ACTL6B: variants seen among roughly 807,000 people sequenced by gnomAD.
ACTL6B encodes actin like 6B.
ACTL6B carries 48 observed loss-of-function variants against 63.3 expected under a neutral mutation model. That is an observed-to-expected ratio of 0.76 (90% confidence interval 0.60 to 0.96). ACTL6B has a LOEUF of 0.96. Among genes scored for constraint, ACTL6B ranks in the 50% least tolerant of loss-of-function variants. ACTL6B has a pLI of 0.00. For synonymous variants in ACTL6B, 230 were observed against 223.8 expected, an observed-to-expected ratio of 1.03 and a Z score of -0.25; for missense variants, 350 against 572.2, an observed-to-expected ratio of 0.61 and a Z score of 3.96.
In ACTL6B at chr7:100,646,913, C is replaced by T; in HGVS notation, c.936+58G>A. The T allele has an allele frequency of 6.2e-7, 1 of 1,603,314 alleles. No individual in the cohort carries two copies. Among genetic ancestry groups the T allele is most frequent in the Non-Finnish European group, 8.5e-7 (1 of 1,171,890 alleles). The stretch of plus-strand genomic sequence containing the variant: ...GCAATCCTTCCCAGCCTCCCCCACG[C>T]CCCAGGATCCAGGGACTGCAGCCAG... On this transcript the variant is annotated intron_variant, in intron 10 of 13. Coordinates refer to ENST00000160382, the MANE Select transcript of ACTL6B (RefSeq NM_016188.5). This position sits in a 1 kb window ranked among gnomAD's most constrained non-coding sequence, Gnocchi z 6.1.
rs751962979 is a variant in ACTL6B, at chr7:100,655,490, T to C, written c.199A>G (p.Ile67Val). Reference protein sequence around the residue: ...DKEKKGKIFHIDTNALHVPRD... With the variant: ...DKEKKGKIFHVDTNALHVPRD... ...GGCACGTGCAGGGCATTGGTGTCGA[T>C]GTGGAAGATCTTCCCTTTCTTCTCT... is the stretch of plus-strand genomic sequence containing the variant. The change falls in exon 3 of 14, where the codon ATC becomes GTC. Residue 67 changes from isoleucine to valine, a missense_variant. This residue lies in a region of ACTL6B where 250 missense variants were observed against 364.7 expected (regional missense o/e 0.69). Transcript: ENST00000160382. This position sits in a 1 kb window ranked among gnomAD's most constrained non-coding sequence, Gnocchi z 4.4. The C allele has an allele frequency of 5.0e-6, 8 of 1,614,036 alleles. No individual in the cohort carries two copies. The highest frequency in any genetic ancestry group is 1.3e-5 in the African/African-American group (1 of 74,900).
chr7:100,648,735 G>C lies in ACTL6B; in HGVS notation c.556C>G (p.Gln186Glu). 1 of 1,614,106 alleles carries C rather than the reference G, an allele frequency of 6.2e-7. No homozygotes were observed. Among genetic ancestry groups the C allele is most frequent in the Non-Finnish European group, 8.5e-7 (1 of 1,180,004 alleles). Residue 186 changes from glutamine to glutamate, a missense_variant, in exon 6 of 14, where the codon CAG (glutamine) becomes GAG (glutamate). By Grantham distance (29) the Gln-to-Glu change is conservative. Around this residue, in one of 3 missense-constraint regions of ACTL6B, gnomAD observed 250 missense variants for 364.7 expected, o/e 0.69. Transcript: ENST00000160382. This position sits in a 1 kb window ranked among gnomAD's most constrained non-coding sequence, Gnocchi z 4.4. ...CCCCCTGCCGAAGCCCCACCTTGCT[G>C]CAGAACGTAGCCGTCATGTACTGGA... ...AIPVHDGYVL[Q>E]QGIVKSPLAG... is the part of the protein sequence containing the mutation.
chr7:100,654,331 G>C (rs1408946186), intron 4 of ACTL6B, among the ~76,000 whole-genome samples: 1 of 151,072 alleles, frequency 6.6e-6, no homozygotes, highest in Non-Finnish European at 1.5e-5. Flanking sequence ...ATTGCCTAGG[G>C]TGGTCTCAAA....
At position 100,655,431 on chromosome 7, in the gene ACTL6B, C is replaced by T; in HGVS notation, c.258G>A (p.Lys86=). 6.2e-7 allele frequency: 1 copy of T among 1,613,932 alleles called. No homozygotes were observed. The highest frequency in any genetic ancestry group is 8.5e-7 in the Non-Finnish European group (1 of 1,179,894). ...GTGGGGGCCCCTTACTCATGCCATT[C>T]TTGAGGGGCGACATGACCTCCGCTC... The part of the protein sequence containing the change: ...RDGAEVMSPL[K]NGMIEDWECF... The change falls in exon 3 of 14, where the codon AAG becomes AAA. Residue 86 remains lysine (K), a synonymous_variant. Coordinates refer to ENST00000160382, the MANE Select transcript of ACTL6B (RefSeq NM_016188.5). This position sits in a 1 kb window ranked among gnomAD's most constrained non-coding sequence, Gnocchi z 4.4.
intron 4 of ACTL6B, among the ~76,000 whole-genome samples, chr7:100,651,458 G>A (rs57240619): frequency 2.6e-5 from 4 of 151,786 alleles, no homozygotes. Flanking sequence ...TGCTGAGGCA[G>A]GAGAATCCTT....
intron 4 of ACTL6B, among the ~76,000 whole-genome samples, chr7:100,654,116 G>T (rs1269752747): frequency 2.0e-5 from 3 of 151,220 alleles, no homozygotes; most frequent in Non-Finnish European, 4.4e-5. Flanking sequence ...GGGACTACAG[G>T]TGCCCGCCAC....
intron 4 of ACTL6B, 94 bp downstream of exon 4, chr7:100,654,925 A>G: frequency 9.4e-7 from 1 of 1,062,338 alleles, no homozygotes; most frequent in South Asian, 1.4e-5. Flanking sequence ...AGTGGCTCAG[A>G]GCAGTGGCTT....
At position 100,655,884 on chromosome 7, in the gene ACTL6B, G is replaced by A. The variant is rs373516447; in HGVS notation, c.26-5C>T. On this transcript the variant is annotated splice_region_variant and splice_polypyrimidine_tract_variant and intron_variant, in intron 1 of 13. Transcript: ENST00000160382. The surrounding 1 kb of genome is among the most constrained non-coding windows in gnomAD (Gnocchi z 4.4). The stretch of plus-strand genomic sequence containing the variant: ...AGACCAGCGCCCCCACCTCATCTGT[G>A]CGGGGAGACAGGCCTGTAAGGGGAC... 1.7e-5 allele frequency: 26 copies of A among 1,565,006 alleles called. 1 individual carries two copies. Among genetic ancestry groups the A allele is most frequent in the East Asian group, 2.4e-5 (1 of 41,662 alleles).
rs754043601 is a variant in ACTL6B, at chr7:100,646,956, G to A, written c.936+15C>T. On this transcript the variant is annotated intron_variant, in intron 10 of 13. Coordinates refer to ENST00000160382, the MANE Select transcript of ACTL6B (RefSeq NM_016188.5). The surrounding 1 kb of genome is among the most constrained non-coding windows in gnomAD (Gnocchi z 6.1). ...GCAGCCAGCACCCACCCCAGTCCTCGCCACACAGCCAAACCTTGACGTTCG... is the reference window on the plus strand; with the variant it reads ...GCAGCCAGCACCCACCCCAGTCCTCACCACACAGCCAAACCTTGACGTTCG... 2.4e-5 allele frequency: 39 copies of A among 1,611,108 alleles called. No homozygotes were observed. The highest frequency in any genetic ancestry group is 2.3e-4 in the African/African-American group (17 of 74,038).
In ACTL6B at chr7:100,655,240, C is replaced by G; in HGVS notation, c.269-121G>C. ...GTCAGTGAGTCCAGCTCCAGGGGAA[C>G]GCCCCCCTTCCCAGAAACCTGGTGG... On this transcript the variant is annotated intron_variant, in intron 3 of 13. Transcript: ENST00000160382. This position sits in a 1 kb window ranked among gnomAD's most constrained non-coding sequence, Gnocchi z 4.4. 1 of 1,160,048 alleles carries G rather than the reference C, an allele frequency of 8.6e-7. No homozygotes were observed. Among genetic ancestry groups the G allele is most frequent in the South Asian group, 1.4e-5 (1 of 72,586 alleles). The allele number at this position is 1,160,048 out of a possible 1,614,324, so 71.9% of individuals were successfully genotyped here.
Position 100,647,856 on chromosome 7 carries a change from T to G in ACTL6B, c.670-323A>C, listed in dbSNP as rs1477940257. 1 of 312,050 alleles carries G rather than the reference T, an allele frequency of 3.2e-6. No homozygotes were observed. The highest frequency in any genetic ancestry group is 2.1e-5 in the African/African-American group (1 of 47,042). The allele number at this position is 312,050 out of a possible 1,614,324, so 19.3% of individuals were successfully genotyped here. A position where few individuals can be genotyped will look rare whatever the true frequency, so the allele number is the denominator to read the frequency against. ...AATGGAGCTAAGCACACAGTGTCAC[T>G]TCATACTCACAGCACCCTGGCTACT... On this transcript the variant is annotated intron_variant, in intron 7 of 13. Transcript: ENST00000160382. The surrounding 1 kb of genome is among the most constrained non-coding windows in gnomAD (Gnocchi z 4.4).
rs1161490284 is a variant in ACTL6B at position 100,647,352 on chromosome 7, C to T, written c.760-68G>A. On this transcript the variant is annotated intron_variant, in intron 8 of 13. Coordinates refer to ENST00000160382, the MANE Select transcript of ACTL6B (RefSeq NM_016188.5). The surrounding 1 kb of genome is among the most constrained non-coding windows in gnomAD (Gnocchi z 4.4). ...AGCAGCACCCCCTGCCCCGCTCCCC[C>T]TCCCTGCTCCCCCTCCCATGCGGGG... 5 of 1,601,092 alleles carry T rather than the reference C, an allele frequency of 3.1e-6. No homozygotes were observed. Among genetic ancestry groups the T allele is most frequent in the Admixed American group, 3.3e-5 (2 of 59,922 alleles).
Position 100,648,498 on chromosome 7 carries a change from G to A in ACTL6B, c.669+58C>T, listed in dbSNP as rs765901727. On this transcript the variant is annotated intron_variant, in intron 7 of 13. Coordinates refer to ENST00000160382, the MANE Select transcript of ACTL6B (RefSeq NM_016188.5). This position sits in a 1 kb window ranked among gnomAD's most constrained non-coding sequence, Gnocchi z 4.4. ...ATATCTCATGTGTCAGAGGGTTGAC[G>A]GCCATGGGGCGAGTGGCCAGGACTC... 13 of 1,421,788 alleles carry A rather than the reference G, an allele frequency of 9.1e-6. No individual in the cohort carries two copies. In the Admixed American group the frequency reaches 9.5e-5, roughly 10 times the overall value. 88.1% of individuals were successfully genotyped at this position (1,421,788 alleles called of 1,614,324 possible).
At chr7:100,651,104 T>C (rs1803931446) in intron 4 of ACTL6B, among the ~76,000 whole-genome samples, 1 of 152,026 alleles carries the variant, frequency 6.6e-6, no homozygotes, top group Admixed American at 6.6e-5. Flanking sequence ...ATGGCAACGA[T>C]ATATGCTGGA....
In ACTL6B at chr7:100,655,742, T is replaced by C. The variant is rs1804027509; in HGVS notation, c.102+61A>G. 6.5e-7 allele frequency: 1 copy of C among 1,536,236 alleles called. No homozygotes were observed. Among genetic ancestry groups the C allele is most frequent in the African/African-American group, 1.4e-5 (1 of 72,396 alleles). ...GCGATCTGGGAGAGCCCTGGGTCAC[T>C]GGAAAGCCTGAAGAAGGGTCCGAAG... On this transcript the variant is annotated intron_variant, in intron 2 of 13. Coordinates refer to ENST00000160382, the MANE Select transcript of ACTL6B (RefSeq NM_016188.5). The surrounding 1 kb of genome is among the most constrained non-coding windows in gnomAD (Gnocchi z 4.4).
intron 4 of ACTL6B, among the ~76,000 whole-genome samples, chr7:100,650,923 C>A (rs866208693): frequency 2.0e-5 from 3 of 151,988 alleles, no homozygotes; most frequent in Admixed American, 6.6e-5. Flanking sequence ...ATAAATAATT[C>A]TTTTTCACTG....
At position 100,646,524 on chromosome 7, in the gene ACTL6B, G is replaced by A. The variant is rs755621187; in HGVS notation, c.1113+27C>T. 7 of 1,612,058 alleles carry A rather than the reference G, an allele frequency of 4.3e-6. No individual in the cohort carries two copies. The South Asian group carries it at 7.7e-5, about 18-fold the overall frequency. ...CAGCTGAGCCAGGACGGGTGTCCAGGGCTCTGGGTCAGGGGTGGGCTCCTA... is the reference window on the plus strand; with the variant it reads ...CAGCTGAGCCAGGACGGGTGTCCAGAGCTCTGGGTCAGGGGTGGGCTCCTA... On this transcript the variant is annotated intron_variant, in intron 12 of 13. Transcript: ENST00000160382. This position sits in a 1 kb window ranked among gnomAD's most constrained non-coding sequence, Gnocchi z 6.1.
At chr7:100,645,265 C>T (rs1206704125) in intron 13 of ACTL6B, among the ~76,000 whole-genome samples, 1 of 152,058 alleles carries the variant, frequency 6.6e-6, no homozygotes, top group African/African-American at 2.4e-5. Flanking sequence ...CGGGTTGCAA[C>T]TCCAGCTCCC....
chr7:100,645,003 C>T lies in ACTL6B; in HGVS notation c.1200+1246G>A, dbSNP rs1165675785. Among the ~76,000 whole-genome samples, 4 of 152,120 alleles carry T rather than the reference C, an allele frequency of 2.6e-5. No homozygotes were observed. In the East Asian group the frequency reaches 7.7e-4, roughly 29 times the overall value. Reference sequence around the variant, plus strand: ...CCCAGGAGATGGAGGTTGCAGTGAGCCAAGATTGCTCCACTGCACTCCAGC... The same window carrying T: ...CCCAGGAGATGGAGGTTGCAGTGAGTCAAGATTGCTCCACTGCACTCCAGC... On this transcript the variant is annotated intron_variant, in intron 13 of 13. Coordinates refer to ENST00000160382, the MANE Select transcript of ACTL6B (RefSeq NM_016188.5).
Sources: gnomAD v4.1 joint callset for allele counts (sites outside exome capture counted in the v4.1 genomes callset) on GRCh38, gnomAD v4.1.1 for gene constraint, gnomAD v4.1.1 regional missense constraint, Gnocchi (gnomAD v3.1) non-coding constraint, MANE v1.5 for transcripts, NCBI Gene and HGNC (gene_info 2026-07-23, HGNC 2026-07-21) for gene names.